Variants in MACROD2 observed in about 807,000 individuals in gnomAD.
The protein encoded by MACROD2 is ADP-ribose glycohydrolase MACROD2.
A neutral mutation model predicts 70.4 loss-of-function variants in MACROD2; 36 were observed. That is an observed-to-expected ratio of 0.51 (90% confidence interval 0.39 to 0.68). The LOEUF is 0.68. Ranked by LOEUF, MACROD2 falls within the 30% of genes least tolerant of loss-of-function variation. The pLI is 0.00. For missense variants in MACROD2, 496 were observed against 538.4 expected, an observed-to-expected ratio of 0.92 and a Z score of 0.78; for synonymous variants, 172 against 178.8, an observed-to-expected ratio of 0.96 and a Z score of 0.30.
intron 5 of MACROD2, among the ~76,000 whole-genome samples, chr20:14,813,987 C>G (rs1371892655): frequency 6.6e-6 from 1 of 152,148 alleles, no homozygotes; most frequent in African/African-American, 2.4e-5. Context: ...CCAGCTATCT[C>G]ATTAACATAC....
At chr20:14,174,833 C>G (rs2081250582) in intron 3 of MACROD2, among the ~76,000 whole-genome samples, 1 of 152,192 alleles carries the variant, frequency 6.6e-6, no homozygotes, top group Non-Finnish European at 1.5e-5. Flanking sequence ...TCCCTGGGGA[C>G]CAAGAGTGCC....
intron 5 of MACROD2, among the ~76,000 whole-genome samples, chr20:15,154,799 G>A (rs1178406882): frequency 6.6e-6 from 1 of 152,180 alleles, no homozygotes; most frequent in Admixed American, 6.5e-5. Context: ...TGCAGCACAT[G>A]AATTTTGGGG....
At chr20:14,254,025 A>C (rs1399543755) in intron 3 of MACROD2, among the ~76,000 whole-genome samples, 1 of 152,154 alleles carries the variant, frequency 6.6e-6, no homozygotes, top group Non-Finnish European at 1.5e-5. Flanking sequence ...AACAAAATTA[A>C]TACAAAAATT....
chr20:15,974,118 C>T (rs1467846224), intron 13 of MACROD2, among the ~76,000 whole-genome samples: 3 of 152,016 alleles, frequency 2.0e-5, no homozygotes, highest in Admixed American at 6.6e-5. Context: ...AGAAACAGAC[C>T]CAAGTAGATC....
At chr20:14,970,842 C>G (rs1489893995) in intron 5 of MACROD2, among the ~76,000 whole-genome samples, 2 of 152,050 alleles carry the variant, frequency 1.3e-5, no homozygotes, top group East Asian at 1.9e-4. Context: ...GTCTTGAACT[C>G]CTATGCTCAA....
At chr20:15,556,608 T>G (rs2048172619) in intron 8 of MACROD2, among the ~76,000 whole-genome samples, 1 of 152,260 alleles carries the variant, frequency 6.6e-6, no homozygotes, top group South Asian at 2.1e-4. Flanking sequence ...TGTTACAATG[T>G]ACTTCACACT....
chr20:15,234,014 T>G (rs866344786), intron 6 of MACROD2, among the ~76,000 whole-genome samples: 649 of 10,250 alleles, frequency 0.063, 6 homozygotes, highest in Non-Finnish European at 0.096. Context: ...TATATATTCT[T>G]TTTTTTTTTT....
chr20:14,950,012 T>C (rs2074462782), intron 5 of MACROD2, among the ~76,000 whole-genome samples: 1 of 152,166 alleles, frequency 6.6e-6, no homozygotes, highest in Non-Finnish European at 1.5e-5. Context: ...TTTTAGACTA[T>C]GTGTGCACTT....
intron 3 of MACROD2, among the ~76,000 whole-genome samples, chr20:14,359,070 C>T (rs976671341): frequency 6.6e-6 from 1 of 152,062 alleles, no homozygotes; most frequent in African/African-American, 2.4e-5. Context: ...TGCCTGTAGT[C>T]CCAGCTACTT....
intron 5 of MACROD2, among the ~76,000 whole-genome samples, chr20:15,157,349 A>ACCC (rs71870874): frequency 4.7e-4 from 51 of 109,440 alleles, no homozygotes; most frequent in South Asian, 7.1e-4. Context: ...CTAATTAACC[A>ACCC]CCCCCCCCCA....
At chr20:14,821,584 G>A (rs75189483) in intron 5 of MACROD2, among the ~76,000 whole-genome samples, 5,087 of 152,118 alleles carry the variant, frequency 0.033, 150 homozygotes, top group Non-Finnish European at 0.049. Flanking sequence ...CAATACTTTC[G>A]TAAGCAAACA....
chr20:14,038,044 C>T (rs2148637661), intron 2 of MACROD2, among the ~76,000 whole-genome samples: 1 of 152,222 alleles, frequency 6.6e-6, no homozygotes, highest in South Asian at 2.1e-4. Context: ...CCTATTATCC[C>T]AGCACTTTGG....
At chr20:14,880,525 T>C (rs2073599101) in intron 5 of MACROD2, among the ~76,000 whole-genome samples, 2 of 152,122 alleles carry the variant, frequency 1.3e-5, no homozygotes, top group African/African-American at 2.4e-5. Context: ...CTGTACCTAA[T>C]TGCATCTGAC....
chr20:14,646,543 G>A (rs996294425), intron 4 of MACROD2, among the ~76,000 whole-genome samples: 8 of 152,066 alleles, frequency 5.3e-5, no homozygotes, highest in African/African-American at 7.2e-5. Flanking sequence ...GAACTTAGTG[G>A]ATTCATCATA....
chr20:14,887,185 A>G (rs1001155107), intron 5 of MACROD2, among the ~76,000 whole-genome samples: 2 of 152,108 alleles, frequency 1.3e-5, no homozygotes, highest in Admixed American at 6.5e-5. Flanking sequence ...ACTAGTCCAC[A>G]TGTATTTATC....
chr20:14,166,517 T>C (rs1335265355), intron 3 of MACROD2, among the ~76,000 whole-genome samples: 1 of 152,190 alleles, frequency 6.6e-6, no homozygotes, highest in African/African-American at 2.4e-5. Flanking sequence ...TTCAATAATA[T>C]TTCTCTTTAG....
At chr20:15,590,085 C>A (rs768445675) in intron 8 of MACROD2, among the ~76,000 whole-genome samples, 3 of 151,980 alleles carry the variant, frequency 2.0e-5, no homozygotes, top group Non-Finnish European at 4.4e-5. Flanking sequence ...CATAAAAATA[C>A]TTAGTATATT....
chr20:15,849,454 G>T (rs1397891471), intron 8 of MACROD2, among the ~76,000 whole-genome samples: 1 of 152,174 alleles, frequency 6.6e-6, no homozygotes, highest in Non-Finnish European at 1.5e-5. Context: ...ACGATTGCAC[G>T]GTTATGCAGT....
In MACROD2 at chr20:15,368,340, A is replaced by C. The variant is rs543563230; in HGVS notation, c.541-63065A>C. Among the ~76,000 whole-genome samples, 543 of 152,292 alleles carry C rather than the reference A, an allele frequency of 3.6e-3. 1 individual carries two copies. The highest frequency in any genetic ancestry group is 5.0e-3 in the Non-Finnish European group (342 of 68,030). On this transcript the variant is annotated intron_variant, in intron 6 of 17. Coordinates refer to ENST00000684519, the MANE Select transcript of MACROD2 (RefSeq NM_001351661.2). The stretch of plus-strand genomic sequence containing the variant: ...AATTTGTAATGCCATTATCTTAAAA[A>C]AGTTTCTGAGAAGTTCCTTAGGGGA...
Sources: allele counts gnomAD v4.1 joint callset (sites outside exome capture counted in the v4.1 genomes callset), GRCh38; gene constraint gnomAD v4.1.1; transcripts MANE v1.5; gene names NCBI Gene and HGNC (gene_info 2026-07-23, HGNC 2026-07-21).